The following PTPN22 variants were observed in gnomAD, a reference collection of about 807,000 sequenced individuals.
The protein encoded by PTPN22 is tyrosine-protein phosphatase non-receptor type 22.
In PTPN22, 85 loss-of-function variants were observed where a neutral mutation model predicts 103.3. The ratio of observed to expected loss-of-function variants is 0.82; its 90% CI spans 0.69 to 0.99. The LOEUF (loss-of-function observed/expected upper bound fraction) is 0.99. PTPN22 is among the 50% of genes least tolerant of loss of function. The probability of loss-of-function intolerance (pLI) is 0.00; values close to 1 mark genes in which losing one functional copy is unlikely to be tolerated. For missense variants in PTPN22, 865 were observed against 936.9 expected (o/e 0.92, Z 1.00); for synonymous variants, 323 against 310.2 (o/e 1.04, Z -0.43).
chr1:113,854,824 T>C, intron 8 of PTPN22, 83 bp downstream of exon 8: 1 of 1,450,518 alleles, frequency 6.9e-7, no homozygotes, highest in Non-Finnish European at 9.4e-7. Context: ...GCTATTAACC[T>C]TTTCCCCTTT....
exon 13 of PTPN22, chr1:113,837,788 A>G (rs780359426): frequency 1.2e-6 from 2 of 1,613,904 alleles, no homozygotes; most frequent in Non-Finnish European, 1.7e-6. Flanking sequence ...GGCCATGATG[A>G]AAAATAAGGA....
chr1:113,832,420 C>T (rs775998271), intron 16 of PTPN22, among the ~76,000 whole-genome samples: 4 of 152,108 alleles, frequency 2.6e-5, no homozygotes, highest in Non-Finnish European at 4.4e-5. Context: ...CCTCGTGATC[C>T]GCCAGCTTTG....
chr1:113,856,035 A>T (rs574005922), intron 7 of PTPN22, among the ~76,000 whole-genome samples: 1 of 152,236 alleles, frequency 6.6e-6, no homozygotes, highest in African/African-American at 2.4e-5. Context: ...CTTCTTTGAG[A>T]CACAGTCTTG....
At chr1:113,835,672 A>AT (rs1000934569) in intron 13 of PTPN22, among the ~76,000 whole-genome samples, 1 of 152,216 alleles carries the variant, frequency 6.6e-6, no homozygotes, top group African/African-American at 2.4e-5. Flanking sequence ...ATAATAAAAC[A>AT]TTATAAAGTG....
At chr1:113,847,110 C>T (rs559135599) in intron 11 of PTPN22, among the ~76,000 whole-genome samples, 16 of 141,720 alleles carry the variant, frequency 1.1e-4, no homozygotes, top group African/African-American at 3.7e-4. Flanking sequence ...CTTTTCAATT[C>T]ATTAATTCTT....
chr1:113,839,322 C>T (rs1455998580), intron 11 of PTPN22, among the ~76,000 whole-genome samples: 1 of 152,072 alleles, frequency 6.6e-6, no homozygotes, highest in Non-Finnish European at 1.5e-5. Context: ...TCAAGCAGTC[C>T]TCCTACCTCA....
At chr1:113,847,571 C>G (rs1019842332) in intron 11 of PTPN22, among the ~76,000 whole-genome samples, 2 of 139,226 alleles carry the variant, frequency 1.4e-5, no homozygotes, top group African/African-American at 5.2e-5. Flanking sequence ...TAAGCCTTCT[C>G]TTTTTGCTGG....
chr1:113,863,573 A>C (rs1027544106), intron 1 of PTPN22, among the ~76,000 whole-genome samples: 19 of 151,898 alleles, frequency 1.3e-4, no homozygotes, highest in African/African-American at 4.6e-4. Flanking sequence ...AATGCTGATA[A>C]ATATGTTCAA....
At chr1:113,857,816 T>C (rs1476898712) in intron 4 of PTPN22, 40 bp from the exon 5 acceptor site, 7 of 1,562,982 alleles carry the variant, frequency 4.5e-6, no homozygotes, top group African/African-American at 1.4e-5. Context: ...CATTCATATA[T>C]AGTTAGAAAG....
chr1:113,840,236 A>G (rs981796492), intron 11 of PTPN22, among the ~76,000 whole-genome samples: 3 of 151,842 alleles, frequency 2.0e-5, no homozygotes, highest in Non-Finnish European at 4.4e-5. Flanking sequence ...AAAAAAAAAA[A>G]ATTGGAAAAA....
At chr1:113,829,173 C>G (rs984542857) in intron 18 of PTPN22, 1 of 151,874 alleles carries the variant, frequency 6.6e-6, no homozygotes, top group Non-Finnish European at 1.5e-5. Flanking sequence ...TTGGTAGTTT[C>G]CTTGGGCATC....
At chr1:113,829,744 C>T in intron 17 of PTPN22, 37 bp from the exon 18 acceptor site, 4 of 1,381,632 alleles carry the variant, frequency 2.9e-6, no homozygotes, top group Non-Finnish European at 4.0e-6. Context: ...TGTTCCATTG[C>T]ATACCTTCTT....
intron 16 of PTPN22, among the ~76,000 whole-genome samples, chr1:113,830,564 T>C (rs1662463785): frequency 6.6e-6 from 1 of 152,194 alleles, no homozygotes; most frequent in African/African-American, 2.4e-5. Context: ...TGCTTAGATT[T>C]TGTTTGAATC....
intron 7 of PTPN22, among the ~76,000 whole-genome samples, chr1:113,856,099 C>T (rs576962604): frequency 6.6e-6 from 1 of 152,166 alleles, no homozygotes; most frequent in Admixed American, 6.5e-5. Context: ...CTGCAACCTC[C>T]ACCTCCAGGG....
Position 113,829,696 on chromosome 1 carries a change from G to A in PTPN22, c.2146C>T (p.Gln716Ter). 6.4e-7 allele frequency: 1 copy of A among 1,560,490 alleles called. No individual in the cohort carries two copies. Among genetic ancestry groups the A allele is most frequent in the Non-Finnish European group, 8.6e-7 (1 of 1,157,438 alleles). The change falls in exon 18 of 21, where the codon CAA becomes TAA. Residue 716 changes from glutamine to a stop codon, truncating the protein, a stop_gained. Coordinates refer to ENST00000359785, the Ensembl canonical transcript of PTPN22. LOFTEE classifies it high-confidence loss of function. ...CTAGTAGAATATGTTTCTATAGATT[G>A]GGCCTGCATACCTTAAAAAAAAAAA...
chr1:113,871,697 C>A (rs1307306604), exon 1 of PTPN22: 3 of 1,396,384 alleles, frequency 2.1e-6, no homozygotes, highest in Non-Finnish European at 1.0e-6. Context: ...GGCCGAGACA[C>A]CTCCAAAAAG....
chr1:113,867,914 T>C (rs1023283339), intron 1 of PTPN22, among the ~76,000 whole-genome samples: 1 of 152,204 alleles, frequency 6.6e-6, no homozygotes, highest in Non-Finnish European at 1.5e-5. Flanking sequence ...ATTACCAAAA[T>C]CTGTGGATGC....
intron 1 of PTPN22, among the ~76,000 whole-genome samples, chr1:113,862,864 G>A (rs189007577): frequency 1.3e-5 from 2 of 152,282 alleles, no homozygotes; most frequent in Admixed American, 6.5e-5. Flanking sequence ...TCTAAATCCA[G>A]TAATCAGGAG....
rs569498954 is a variant in PTPN22, at chr1:113,851,506, T to C, written c.828+521A>G. ...GCATGCAATAAGAATCAGGAGAAACTATAGAAAAATAGTAATAGTGGCTAT... is the reference window on the plus strand; with the variant it reads ...GCATGCAATAAGAATCAGGAGAAACCATAGAAAAATAGTAATAGTGGCTAT... On this transcript the variant is annotated intron_variant, in intron 10 of 20. Coordinates refer to ENST00000359785, the Ensembl canonical transcript of PTPN22. 2.6e-5 allele frequency among the ~76,000 whole-genome samples: 4 copies of C among 152,320 alleles called. No homozygotes were observed. In the South Asian group the frequency reaches 8.3e-4, roughly 32 times the overall value.
Sources: gnomAD v4.1 joint callset for allele counts (sites outside exome capture counted in the v4.1 genomes callset) on GRCh38, gnomAD v4.1.1 for gene constraint, MANE v1.5 for transcripts, NCBI Gene and HGNC (gene_info 2026-07-23, HGNC 2026-07-21) for gene names.